IFNAR1: variants seen among roughly 807,000 people sequenced by gnomAD.
The protein encoded by IFNAR1 is interferon alpha and beta receptor subunit 1.
Under a neutral mutation model 62.1 loss-of-function variants are expected in IFNAR1, and 47 were observed. The ratio of observed to expected loss-of-function variants is 0.76; its 90% CI spans 0.60 to 0.97. The LOEUF (loss-of-function observed/expected upper bound fraction) is 0.97, where lower values mean the gene tolerates loss of function less well. Ranked by LOEUF, IFNAR1 falls within the 50% of genes least tolerant of loss-of-function variation. The pLI is 0.00. For missense variants in IFNAR1, 638 were observed against 654.5 expected (o/e 0.97, Z 0.27); for synonymous variants, 219 against 226.9 (o/e 0.97, Z 0.31).
chr21:33,345,566 G>A (rs2083337859), intron 6 of IFNAR1, among the ~76,000 whole-genome samples: 3 of 152,168 alleles, frequency 2.0e-5, no homozygotes, highest in Admixed American at 1.3e-4. Context: ...TAACCTCCAT[G>A]GGCCTCAATT....
At chr21:33,346,285 A>G (rs1441056061) in intron 6 of IFNAR1, among the ~76,000 whole-genome samples, 1 of 152,210 alleles carries the variant, frequency 6.6e-6, no homozygotes, top group African/African-American at 2.4e-5. Flanking sequence ...AGCAAAGGCA[A>G]GTATAGCTAA....
At chr21:33,342,856 C>CA (rs34814637) in intron 3 of IFNAR1, among the ~76,000 whole-genome samples, 3,644 of 142,646 alleles carry the variant, frequency 0.026, 55 homozygotes, top group Non-Finnish European at 0.035. Flanking sequence ...GACTCCGTCT[C>CA]AAAAAAAAAA....
chr21:33,343,655 G>T lies in IFNAR1; in HGVS notation c.652G>T (p.Val218Leu). The T allele has an allele frequency of 1.2e-6, 2 of 1,601,416 alleles. No individual in the cohort carries two copies. The highest frequency in any genetic ancestry group is 1.7e-6 in the Non-Finnish European group (2 of 1,173,782). Residue 218 changes from valine to leucine, a missense_variant, in exon 5 of 11, where the codon GTA becomes TTA. Val to Leu is a conservative substitution (Grantham distance 32). Transcript: ENST00000270139. ...ATGGAAAATTGGTGTCTATAGTCCA[G>T]TACATTGTATAAAGACCACAGGTAA... ...TSWKIGVYSP[V>L]HCIKTTVENE... is the part of the protein sequence containing the mutation.
At chr21:33,328,121 G>A (rs1454004910) in intron 1 of IFNAR1, among the ~76,000 whole-genome samples, 1 of 152,030 alleles carries the variant, frequency 6.6e-6, no homozygotes, top group East Asian at 1.9e-4. Flanking sequence ...TTTTCTTTCT[G>A]TTTTTTTGTT....
At chr21:33,343,469 A>G in intron 4 of IFNAR1, 47 bp downstream of exon 4, 2 of 1,571,480 alleles carry the variant, frequency 1.3e-6, no homozygotes, top group South Asian at 1.1e-5. Context: ...GAGAAAAATT[A>G]GGCGAATTAA....
intron 3 of IFNAR1, among the ~76,000 whole-genome samples, chr21:33,341,687 C>A (rs566992484): frequency 1.7e-4 from 25 of 147,532 alleles, no homozygotes; most frequent in African/African-American, 5.2e-4. Flanking sequence ...TTATTTCTTT[C>A]TTTTTTTTTT....
intron 1 of IFNAR1, among the ~76,000 whole-genome samples, chr21:33,334,414 G>A (rs1408774124): frequency 1.3e-5 from 2 of 152,100 alleles, no homozygotes; most frequent in Non-Finnish European, 2.9e-5. Context: ...ATACTTTGGA[G>A]ACCAGTGTAT....
intron 6 of IFNAR1, among the ~76,000 whole-genome samples, chr21:33,348,790 G>A (rs929032507): frequency 3.3e-5 from 5 of 151,996 alleles, no homozygotes; most frequent in African/African-American, 1.2e-4. Context: ...GTGACAGAGC[G>A]AGACTCGGTC....
At chr21:33,347,907 A>G (rs1456547875) in intron 6 of IFNAR1, among the ~76,000 whole-genome samples, 1 of 152,190 alleles carries the variant, frequency 6.6e-6, no homozygotes, top group African/African-American at 2.4e-5. Flanking sequence ...AGAATGGGAC[A>G]AGATTAGGGT....
rs2083447119 is a variant in IFNAR1 at position 33,356,189 on chromosome 21, A to G, written c.*640A>G. 1 of 152,210 alleles carries G rather than the reference A, an allele frequency of 6.6e-6. No homozygotes were observed. Among genetic ancestry groups the G allele is most frequent in the African/African-American group, 2.4e-5 (1 of 41,450 alleles). The allele number at this position is 152,210 out of a possible 1,614,324, so 9.4% of individuals were successfully genotyped here. A position where few individuals can be genotyped will look rare whatever the true frequency, so the allele number is the denominator to read the frequency against. ...GCCGTGCTAGCTGCGCACCGTGGCT[A>G]AGGATGACGTCTGTGTTCCTGTCCA... On this transcript the variant is annotated 3_prime_UTR_variant, in exon 11 of 11. Coordinates refer to ENST00000270139, the MANE Select transcript of IFNAR1 (RefSeq NM_000629.3).
intron 6 of IFNAR1, 67 bp from the exon 7 acceptor site, chr21:33,349,024 A>G (rs990999765): frequency 2.1e-6 from 2 of 971,650 alleles, no homozygotes; most frequent in Admixed American, 2.2e-5. Flanking sequence ...AGCCCCTAAC[A>G]TAGTGTCTGG....
chr21:33,344,392 A>T (rs74317255), intron 5 of IFNAR1, among the ~76,000 whole-genome samples: 7,356 of 152,214 alleles, frequency 0.048, 620 homozygotes, highest in African/African-American at 0.17. Flanking sequence ...ATTAAGGTCA[A>T]GGGCAGGAGC....
chr21:33,354,291 G>A (rs17875886), intron 10 of IFNAR1, among the ~76,000 whole-genome samples: 75 of 152,294 alleles, frequency 4.9e-4, no homozygotes, highest in Admixed American at 2.9e-3. Context: ...GCAGTGAGCC[G>A]AGGTCATGCC....
chr21:33,329,562 A>C (rs1419743513), intron 1 of IFNAR1, among the ~76,000 whole-genome samples: 1 of 152,246 alleles, frequency 6.6e-6, no homozygotes, highest in Non-Finnish European at 1.5e-5. Flanking sequence ...CTCAGTTAAG[A>C]AAGTTCTATA....
At chr21:33,336,552 T>C in intron 2 of IFNAR1, among the ~76,000 whole-genome samples, 1 of 151,662 alleles carries the variant, frequency 6.6e-6, no homozygotes, top group East Asian at 1.9e-4. Context: ...AGTGTAAAAG[T>C]GTTCCTATTT....
chr21:33,339,660 G>A (rs942334640), intron 2 of IFNAR1, among the ~76,000 whole-genome samples: 2 of 151,988 alleles, frequency 1.3e-5, no homozygotes, highest in African/African-American at 4.8e-5. Flanking sequence ...GGTGGCTCAC[G>A]CCTGTAATCC....
intron 10 of IFNAR1, among the ~76,000 whole-genome samples, chr21:33,355,028 C>T (rs1050246937): frequency 2.0e-5 from 3 of 152,038 alleles, no homozygotes; most frequent in South Asian, 2.1e-4. Context: ...CCGCCCGCTC[C>T]TGTCCTTTCC....
chr21:33,351,834 C>T (rs1396398608), intron 8 of IFNAR1, among the ~76,000 whole-genome samples: 1 of 152,064 alleles, frequency 6.6e-6, no homozygotes, highest in Non-Finnish European at 1.5e-5. Flanking sequence ...ACAGAGACTA[C>T]AGGCTCACAC....
Position 33,339,927 on chromosome 21 carries a change from CAAAA to C in IFNAR1, c.201-1052_201-1049del, listed in dbSNP as rs532975886. The stretch of plus-strand genomic sequence containing the variant: ...TGGGCAACAGAGTAAGACTCTGTCT[CAAAA>C]AAAAAAAAAAAAAAAAAAAGAAATC... On this transcript the variant is annotated intron_variant, in intron 2 of 10. Coordinates refer to ENST00000270139, the MANE Select transcript of IFNAR1 (RefSeq NM_000629.3). 2.7e-4 allele frequency among the ~76,000 whole-genome samples: 22 copies of C among 81,856 alleles called. 1 individual carries two copies. The highest frequency in any genetic ancestry group is 7.0e-4 in the African/African-American group (16 of 22,772). The allele number at this position is 81,856 out of a possible 152,430, so 53.7% of individuals were successfully genotyped here.
Sources: allele counts gnomAD v4.1 joint callset (sites outside exome capture counted in the v4.1 genomes callset), GRCh38; gene constraint gnomAD v4.1.1; transcripts MANE v1.5; gene names NCBI Gene and HGNC (gene_info 2026-07-23, HGNC 2026-07-21).